XRCC3: variants seen among roughly 807,000 people sequenced by gnomAD.
The protein encoded by XRCC3 is X-ray repair cross complementing 3.
Under a neutral mutation model 29.2 loss-of-function variants are expected in XRCC3, and 34 were observed. That is an observed-to-expected ratio of 1.16 (90% confidence interval 0.88 to 1.55). The LOEUF (loss-of-function observed/expected upper bound fraction) is 1.55. Among genes scored for constraint, XRCC3 ranks in the 40% most tolerant of loss-of-function variants. The pLI, the probability that XRCC3 is intolerant of heterozygous loss-of-function variation, is 0.00. For synonymous variants in XRCC3, 223 were observed against 211.3 expected, an observed-to-expected ratio of 1.06 and a Z score of -0.48; for missense variants, 463 against 467.6, an observed-to-expected ratio of 0.99 and a Z score of 0.09.
At chr14:103,707,575 G>A (rs765349761) in intron 5 of XRCC3, 9 of 405,378 alleles carry the variant, frequency 2.2e-5, no homozygotes, top group Non-Finnish European at 4.2e-5. Context: ...CAGCTGGGAT[G>A]CCCTGGGGTG....
At chr14:103,714,582 C>T (rs895823569) in intron 1 of XRCC3, among the ~76,000 whole-genome samples, 17 of 152,270 alleles carry the variant, frequency 1.1e-4, no homozygotes, top group African/African-American at 4.1e-4. Flanking sequence ...CACTGCACTC[C>T]ACCCCGGATG....
intron 1 of XRCC3, among the ~76,000 whole-genome samples, chr14:103,714,980 G>T (rs767090524): frequency 6.6e-6 from 1 of 152,238 alleles, no homozygotes; most frequent in South Asian, 2.1e-4. Flanking sequence ...CACCGCGCCC[G>T]GCCTAAAGGA....
At chr14:103,707,789 G>T (rs115125943) in intron 5 of XRCC3, 2 of 195,760 alleles carry the variant, frequency 1.0e-5, no homozygotes, top group South Asian at 9.4e-5. Flanking sequence ...TGGGACATGC[G>T]GTGCAGGCTG....
chr14:103,699,114 A>G lies in XRCC3; in HGVS notation c.821+19T>C, dbSNP rs781520263. On this transcript the variant is annotated intron_variant, in intron 9 of 9. Transcript: ENST00000555055. ...CTGGCACCTGCACAGAGGTGCACAC[A>G]CCACATGGCTGCACTCACCCCAGCG... is the stretch of plus-strand genomic sequence containing the variant. 50 of 1,571,696 alleles carry G rather than the reference A, an allele frequency of 3.2e-5. No homozygotes were observed. Among genetic ancestry groups the G allele is most frequent in the Non-Finnish European group, 4.1e-5 (48 of 1,158,822 alleles).
chr14:103,707,443 C>T, intron 5 of XRCC3: 1 of 613,268 alleles, frequency 1.6e-6, no homozygotes, highest in Non-Finnish European at 2.9e-6. Context: ...GCCACCATCA[C>T]ATGCCCGCAG....
At chr14:103,714,414 G>A (rs2083731976) in intron 1 of XRCC3, among the ~76,000 whole-genome samples, 1 of 150,016 alleles carries the variant, frequency 6.7e-6, no homozygotes, top group South Asian at 2.1e-4. Context: ...GGTCGCCTGA[G>A]CCCAGGAGTT....
chr14:103,700,061 T>TAA (rs2083012314), intron 7 of XRCC3: 1 of 234,180 alleles, frequency 4.3e-6, no homozygotes, highest in Non-Finnish European at 8.6e-6. Flanking sequence ...CTTCAGACGC[T>TAA]CAGCAAGGCA....
At chr14:103,710,541 C>G (rs2083587979) in intron 4 of XRCC3, 2 of 156,510 alleles carry the variant, frequency 1.3e-5, no homozygotes, top group South Asian at 1.9e-4. Context: ...GAGATCAAGA[C>G]CATCCTGGCT....
At chr14:103,699,866 G>A (rs1255904437) in intron 7 of XRCC3, 5 of 471,962 alleles carry the variant, frequency 1.1e-5, no homozygotes, top group Middle Eastern at 1.2e-3. Flanking sequence ...CCTCTGTAGA[G>A]GTGTCCTTTG....
chr14:103,699,057 G>A (rs1465903921), intron 9 of XRCC3, 40 bp from the exon 10 acceptor site: 12 of 1,564,456 alleles, frequency 7.7e-6, no homozygotes, highest in South Asian at 2.3e-5. Context: ...CTCAGGCTTG[G>A]TGGCCCCGCC....
At chr14:103,710,977 T>G in intron 4 of XRCC3, 56 bp downstream of exon 4, 1 of 1,587,098 alleles carries the variant, frequency 6.3e-7, no homozygotes, top group Non-Finnish European at 8.7e-7. Context: ...TTAACCTGCC[T>G]TATATAAACT....
rs370617343 is a variant in XRCC3 at position 103,707,163 on chromosome 14, C to G, written c.246G>C (p.Leu82=). The G allele has an allele frequency of 2.6e-6, 4 of 1,549,586 alleles. No homozygotes were observed. Among genetic ancestry groups the G allele is most frequent in the Non-Finnish European group, 3.5e-6 (4 of 1,146,794 alleles). Residue 82 remains leucine, a synonymous_variant, in exon 6 of 10, where the codon CTG becomes CTC. Coordinates refer to ENST00000555055, the MANE Select transcript of XRCC3 (RefSeq NM_005432.4). The stretch of plus-strand genomic sequence containing the variant: ...CGTCCAGCACCGGGCAGCCCAGGCT[C>G]AGGCGCTGGTGCTGCGTGGGGAACC... The part of the protein sequence containing the change: ...KERFPTQHQR[L]SLGCPVLDAL...
rs778844243 is a variant in XRCC3, at chr14:103,707,411, CAG to C, written c.194-198_194-197del. 1.0e-5 allele frequency: 7 copies of C among 685,078 alleles called. 1 individual carries two copies. The South Asian group carries it at 1.0e-4, about 10-fold the overall frequency. 42.4% of individuals were successfully genotyped at this position (685,078 alleles called of 1,614,324 possible). On this transcript the variant is annotated intron_variant, in intron 5 of 9. Transcript: ENST00000555055. Reference sequence around the variant, plus strand: ...GGGAAGGGCGGGTGCACCTGAGATGCAGAGTCAGGGGGAGCCCCAGGGCCACC... The same window carrying C: ...GGGAAGGGCGGGTGCACCTGAGATGCAGTCAGGGGGAGCCCCAGGGCCACC...
At chr14:103,706,982 A>G in intron 6 of XRCC3, 21 bp downstream of exon 6, 1 of 1,541,408 alleles carries the variant, frequency 6.5e-7, no homozygotes. Flanking sequence ...CCCAGACCCC[A>G]CGGAAGGGGT....
At chr14:103,711,376 A>T in intron 3 of XRCC3, 90 bp downstream of exon 3, 1 of 617,566 alleles carries the variant, frequency 1.6e-6, no homozygotes. Context: ...CATTTGAAAA[A>T]CCCCCCAAAC....
At position 103,707,064 on chromosome 14, in the gene XRCC3, C is replaced by T; in HGVS notation, c.345G>A (p.Gln115=). Residue 115 remains glutamine (Q), a synonymous_variant, in exon 6 of 10, where the codon CAG becomes CAA. Transcript: ENST00000555055. Reference sequence around the variant, plus strand: ...CAGCCAGGCAGAGCTGCAGCGCCAGCTGGGTCTTCCCTGCCGAGCTGCGTC... The same window carrying T: ...CAGCCAGGCAGAGCTGCAGCGCCAGTTGGGTCTTCCCTGCCGAGCTGCGTC... ...LAGRSSAGKT[Q]LALQLCLAVQ... 1 of 1,563,376 alleles carries T rather than the reference C, an allele frequency of 6.4e-7. No individual in the cohort carries two copies. Among genetic ancestry groups the T allele is most frequent in the Non-Finnish European group, 8.6e-7 (1 of 1,156,190 alleles).
intron 4 of XRCC3, chr14:103,709,122 G>A (rs2083540756): frequency 9.6e-6 from 3 of 312,732 alleles, no homozygotes; most frequent in African/African-American, 6.5e-5. Context: ...TGTGCCCTGG[G>A]GAGGGGAGCG....
chr14:103,711,184 T>C lies in XRCC3; in HGVS notation c.-97A>G. ...GCACTCGCCTTCAATTCAAAGCCTG[T>C]GGGAGGCCCGAACCAGGGAAGTGAC... On this transcript the variant is annotated 5_prime_UTR_variant, in exon 4 of 10. Transcript: ENST00000555055. The C allele has an allele frequency of 7.2e-7, 1 of 1,389,370 alleles. No homozygotes were observed. Among genetic ancestry groups the C allele is most frequent in the Non-Finnish European group, 1.0e-6 (1 of 982,984 alleles). 86.1% of individuals were successfully genotyped at this position (1,389,370 alleles called of 1,614,324 possible). A position where few individuals can be genotyped will look rare whatever the true frequency, so the allele number is the denominator to read the frequency against.
rs542368758 is a variant in XRCC3, at chr14:103,701,140, G to T, written c.562-1564C>A. 10 of 1,545,692 alleles carry T rather than the reference G, an allele frequency of 6.5e-6. 1 individual carries two copies. The South Asian group carries it at 9.5e-5, about 15-fold the overall frequency. ...TCCCCAGAGAGCTGTTTCCAGAACA[G>T]AACTTAGTAACACTGTCAGGTTTTG... On this transcript the variant is annotated intron_variant, in intron 7 of 9. Transcript: ENST00000555055.
Sources: gnomAD v4.1 joint callset for allele counts (sites outside exome capture counted in the v4.1 genomes callset) on GRCh38, gnomAD v4.1.1 for gene constraint, MANE v1.5 for transcripts, NCBI Gene and HGNC (gene_info 2026-07-23, HGNC 2026-07-21) for gene names.